Variants in NALCN observed in about 807,000 individuals in gnomAD.
NALCN encodes sodium leak channel NALCN.
NALCN carries 111 observed loss-of-function variants against 225.3 expected under a neutral mutation model. The observed-to-expected ratio is 0.49, with a 90% CI of 0.42 to 0.58. NALCN has a LOEUF of 0.58. NALCN is among the 20% of genes least tolerant of loss of function. The probability of loss-of-function intolerance (pLI) is 0.00; values close to 1 mark genes in which losing one functional copy is unlikely to be tolerated. For synonymous variants in NALCN, 764 were observed against 769.0 expected, an observed-to-expected ratio of 0.99 and a Z score of 0.11; for missense variants, 1,378 against 2,202.4, an observed-to-expected ratio of 0.63 and a Z score of 7.49.
At chr13:101,061,924 G>T in intron 41 of NALCN, 44 bp downstream of exon 41, 1 of 1,535,000 alleles carries the variant, frequency 6.5e-7, no homozygotes, top group Non-Finnish European at 8.8e-7. Context: ...GGGGCAGGGC[G>T]GGGCGGGGCG....
intron 6 of NALCN, chr13:101,368,924 TG>T (rs1382219292): frequency 3.9e-6 from 1 of 253,190 alleles, no homozygotes; most frequent in Non-Finnish European, 8.1e-6. Context: ...GAGAATCTCT[TG>T]AACCTGGGAG....
At chr13:101,214,606 A>T (rs2040659428) in intron 13 of NALCN, among the ~76,000 whole-genome samples, 1 of 152,152 alleles carries the variant, frequency 6.6e-6, no homozygotes, top group Admixed American at 6.5e-5. Flanking sequence ...AAAGGTGAAT[A>T]GTCCAAGAAA....
intron 17 of NALCN, among the ~76,000 whole-genome samples, chr13:101,125,194 C>T (rs1205768572): frequency 2.0e-5 from 3 of 152,028 alleles, no homozygotes. Context: ...AGAAAACCAT[C>T]CTGGATGCTG....
rs141105304 is a variant in NALCN at position 101,330,228 on chromosome 13, C to G, written c.799+15038G>C. On this transcript the variant is annotated intron_variant, in intron 7 of 43. Coordinates refer to ENST00000251127, the MANE Select transcript of NALCN (RefSeq NM_052867.4). ...TAAGTTTTGAATGTATAAATTATCT[C>G]AAAGCTACATGAGCAAACTATCCAG... 2.8e-3 allele frequency among the ~76,000 whole-genome samples: 428 copies of G among 152,036 alleles called. 2 individuals carry two copies. Among genetic ancestry groups the G allele is most frequent in the African/African-American group, 9.6e-3 (400 of 41,468 alleles).
intron 18 of NALCN, among the ~76,000 whole-genome samples, chr13:101,116,258 T>C (rs2035702245): frequency 6.6e-6 from 1 of 151,748 alleles, no homozygotes; most frequent in South Asian, 2.1e-4. Flanking sequence ...ATCCTTTTTT[T>C]TCCCCCTGCA....
At chr13:101,324,853 C>T (rs988023940) in intron 7 of NALCN, among the ~76,000 whole-genome samples, 2 of 152,084 alleles carry the variant, frequency 1.3e-5, no homozygotes, top group South Asian at 4.1e-4. Context: ...TGTCTTGTGC[C>T]GGTTTTCAAA....
intron 27 of NALCN, among the ~76,000 whole-genome samples, chr13:101,096,504 G>C (rs547093946): frequency 2.3e-4 from 35 of 152,162 alleles, no homozygotes; most frequent in Admixed American, 1.4e-3. Flanking sequence ...TCATATAGAA[G>C]TCCAGAACAG....
Position 101,237,923 on chromosome 13 carries a change from C to A in NALCN, c.1267-1G>T. The stretch of plus-strand genomic sequence containing the variant: ...AATCAAAAAGTACTGTAAAAGCCAC[C>A]TAGAGAAACAAAGAAACATTGAAAT... On this transcript the variant is annotated splice_acceptor_variant, in intron 11 of 43. Transcript: ENST00000251127. LOFTEE classifies it high-confidence loss of function. The A allele has an allele frequency of 6.3e-7, 1 of 1,592,920 alleles. No individual in the cohort carries two copies. Among genetic ancestry groups the A allele is most frequent in the African/African-American group, 1.4e-5 (1 of 73,444 alleles).
intron 7 of NALCN, among the ~76,000 whole-genome samples, chr13:101,307,013 A>G (rs1246732513): frequency 6.6e-6 from 1 of 152,148 alleles, no homozygotes; most frequent in Non-Finnish European, 1.5e-5. Flanking sequence ...CTGGGTTTGA[A>G]GTTCATGTTG....
chr13:101,101,181 T>C (rs886424122), intron 26 of NALCN, among the ~76,000 whole-genome samples: 1 of 151,992 alleles, frequency 6.6e-6, no homozygotes. Context: ...AATCAACACC[T>C]TGATCTTTTT....
intron 6 of NALCN, among the ~76,000 whole-genome samples, chr13:101,374,381 T>C (rs963269945): frequency 2.0e-5 from 3 of 149,902 alleles, no homozygotes; most frequent in African/African-American, 7.4e-5. Flanking sequence ...ATTCAAGCAA[T>C]TCTCTTGTCT....
chr13:101,333,419 GGAGT>G (rs2045256359), intron 7 of NALCN, among the ~76,000 whole-genome samples: 1 of 152,116 alleles, frequency 6.6e-6, no homozygotes, highest in Non-Finnish European at 1.5e-5. Context: ...AAGTCCTAAG[GGAGT>G]GAGAGCTGAG....
At chr13:101,186,137 C>A (rs2039438418) in intron 14 of NALCN, among the ~76,000 whole-genome samples, 1 of 152,196 alleles carries the variant, frequency 6.6e-6, no homozygotes, top group South Asian at 2.1e-4. Flanking sequence ...GTTTCACTGC[C>A]ACTACTTTTG....
chr13:101,187,923 G>T (rs951474178), intron 14 of NALCN, among the ~76,000 whole-genome samples: 10 of 152,160 alleles, frequency 6.6e-5, no homozygotes, highest in Admixed American at 5.9e-4. Context: ...CTAAATTATA[G>T]AAACCATTTT....
chr13:101,208,769 C>T (rs2040415792), intron 13 of NALCN, among the ~76,000 whole-genome samples: 1 of 152,186 alleles, frequency 6.6e-6, no homozygotes, highest in Non-Finnish European at 1.5e-5. Flanking sequence ...GGCGCCTCCT[C>T]TCTCTTTTGT....
At chr13:101,101,563 G>A (rs2034823916) in intron 26 of NALCN, among the ~76,000 whole-genome samples, 1 of 152,138 alleles carries the variant, frequency 6.6e-6, no homozygotes, top group African/African-American at 2.4e-5. Flanking sequence ...TTACAGGCGT[G>A]AGCCACTATG....
chr13:101,129,907 C>T (rs1194261156), intron 17 of NALCN, among the ~76,000 whole-genome samples: 5 of 148,132 alleles, frequency 3.4e-5, no homozygotes, highest in African/African-American at 9.9e-5. Flanking sequence ...GTGTGATGTT[C>T]CCCTCCCTGT....
chr13:101,084,564 A>T (rs2033837240), intron 30 of NALCN, among the ~76,000 whole-genome samples: 1 of 149,534 alleles, frequency 6.7e-6, no homozygotes. Flanking sequence ...TTTGTTCTGA[A>T]TTTTTTAATA....
At chr13:101,202,657 C>T (rs763804390) in intron 13 of NALCN, among the ~76,000 whole-genome samples, 2 of 152,058 alleles carry the variant, frequency 1.3e-5, no homozygotes, top group Non-Finnish European at 2.9e-5. Context: ...GAGCTATATC[C>T]CAGGGAAATG....
Sources: allele counts gnomAD v4.1 joint callset (sites outside exome capture counted in the v4.1 genomes callset), GRCh38; gene constraint gnomAD v4.1.1; transcripts MANE v1.5; gene names NCBI Gene and HGNC (gene_info 2026-07-23, HGNC 2026-07-21).